The following TTC5 variants were observed in gnomAD, a reference collection of about 807,000 sequenced individuals.
TTC5 encodes tetratricopeptide repeat protein 5.
A neutral mutation model predicts 57.4 loss-of-function variants in TTC5; 46 were observed. The observed-to-expected ratio is 0.80, with a 90% CI of 0.63 to 1.03. The LOEUF is 1.03. TTC5 is among the 50% of genes least tolerant of loss of function. The pLI is 0.00. For synonymous variants in TTC5, 190 were observed against 203.5 expected, an observed-to-expected ratio of 0.93 and a Z score of 0.57; for missense variants, 504 against 528.1, an observed-to-expected ratio of 0.95 and a Z score of 0.45.
chr14:20,302,748 C>T (rs765193036), intron 1 of TTC5, among the ~76,000 whole-genome samples: 6 of 152,140 alleles, frequency 3.9e-5, no homozygotes, highest in Non-Finnish European at 7.3e-5. Flanking sequence ...ACTTTTGAAA[C>T]GCTGACACCA....
At chr14:20,303,019 CG>C (rs1882223158) in intron 1 of TTC5, among the ~76,000 whole-genome samples, 1 of 151,856 alleles carries the variant, frequency 6.6e-6, no homozygotes, top group African/African-American at 2.4e-5. Context: ...TGGTGAAACC[CG>C]GTCTCTACTA....
chr14:20,288,967 C>T lies in TTC5; in HGVS notation c.*660G>A, dbSNP rs1372969522. 6.6e-6 allele frequency: 1 copy of T among 152,066 alleles called. No individual in the cohort carries two copies. The highest frequency in any genetic ancestry group is 6.5e-5 in the Admixed American group (1 of 15,272). 9.4% of individuals were successfully genotyped at this position (152,066 alleles called of 1,614,324 possible). On this transcript the variant is annotated 3_prime_UTR_variant, in exon 10 of 10. Transcript: ENST00000258821. The stretch of plus-strand genomic sequence containing the variant: ...GTCTCTAGCAACTTTGTGGAGTTGC[C>T]ATTCCTGCCTGGGGCTGTCTATTGT...
chr14:20,299,390 T>A lies in TTC5; in HGVS notation c.455A>T (p.Asp152Val). 1 of 1,614,138 alleles carries A rather than the reference T, an allele frequency of 6.2e-7. No homozygotes were observed. The highest frequency in any genetic ancestry group is 8.5e-7 in the Non-Finnish European group (1 of 1,180,026). ...ATGGTGAGAATGTTCATCTTCAGTGTCAGTCCGCAGCTGACGAAGCACCAT... is the reference window on the plus strand; with the variant it reads ...ATGGTGAGAATGTTCATCTTCAGTGACAGTCCGCAGCTGACGAAGCACCAT... ...LSMVLRQLRT[D>V]TEDEHSHHVM... The change falls in exon 4 of 10, where the codon GAC becomes GTC. Residue 152 changes from aspartate (D) to valine (V), a missense_variant. Transcript: ENST00000258821.
chr14:20,304,442 A>T (rs889333428), intron 1 of TTC5, among the ~76,000 whole-genome samples: 1 of 152,234 alleles, frequency 6.6e-6, no homozygotes, highest in Non-Finnish European at 1.5e-5. Context: ...ACTGTCTGTA[A>T]AACACACTTT....
intron 1 of TTC5, 98 bp downstream of exon 1, chr14:20,305,789 G>C: frequency 2.5e-6 from 3 of 1,221,394 alleles, no homozygotes; most frequent in Non-Finnish European, 3.6e-6. Context: ...ACGCAGCTTC[G>C]CGTGTGTGCC....
At chr14:20,300,538 G>C in intron 3 of TTC5, 69 bp downstream of exon 3, 2 of 1,379,860 alleles carry the variant, frequency 1.4e-6, no homozygotes, top group Admixed American at 2.1e-5. Flanking sequence ...ATGTCCTAGG[G>C]AAACTCATAG....
intron 1 of TTC5, 23 bp downstream of exon 1, chr14:20,305,864 C>A (rs754407280): frequency 8.7e-6 from 14 of 1,612,866 alleles, no homozygotes; most frequent in Non-Finnish European, 1.2e-5. Flanking sequence ...AAAACACATA[C>A]AGAATTTAAT....
chr14:20,295,222 T>G lies in TTC5; in HGVS notation c.1058+90A>C, dbSNP rs372531453. ...TCAGAAGTCACAAATCTGTGACCAC[T>G]GACAATCTCCTCAACTGCCAGGGAA... On this transcript the variant is annotated intron_variant, in intron 8 of 9. Coordinates refer to ENST00000258821, the MANE Select transcript of TTC5 (RefSeq NM_138376.3). 2.1e-5 allele frequency: 26 copies of G among 1,221,238 alleles called. No individual in the cohort carries two copies. The East Asian group carries it at 3.4e-4, about 16-fold the overall frequency. The allele number at this position is 1,221,238 out of a possible 1,614,324, so 75.7% of individuals were successfully genotyped here. A position where few individuals can be genotyped will look rare whatever the true frequency, so the allele number is the denominator to read the frequency against.
chr14:20,303,155 GC>G (rs1183216635), intron 1 of TTC5, among the ~76,000 whole-genome samples: 1 of 148,832 alleles, frequency 6.7e-6, no homozygotes, highest in East Asian at 2.0e-4. Flanking sequence ...TCATGCCACT[GC>G]CCTCCAGCCT....
chr14:20,301,425 AGGG>A (rs1882187852), intron 2 of TTC5, among the ~76,000 whole-genome samples: 1 of 152,228 alleles, frequency 6.6e-6, no homozygotes, highest in Admixed American at 6.5e-5. Flanking sequence ...TACCAGGTTA[AGGG>A]GGTTAGACTT....
chr14:20,304,013 C>T (rs1163769447), intron 1 of TTC5, among the ~76,000 whole-genome samples: 2 of 152,210 alleles, frequency 1.3e-5, no homozygotes, highest in Non-Finnish European at 2.9e-5. Flanking sequence ...TCCATTCCTT[C>T]TCTCCTCTAC....
chr14:20,292,071 A>G lies in TTC5; in HGVS notation c.1115T>C (p.Ile372Thr). 2 of 1,600,312 alleles carry G rather than the reference A, an allele frequency of 1.2e-6. No homozygotes were observed. Among genetic ancestry groups the G allele is most frequent in the Non-Finnish European group, 1.7e-6 (2 of 1,173,434 alleles). Residue 372 changes from isoleucine (I) to threonine (T), a missense_variant, in exon 9 of 10, where the codon ATA (isoleucine) becomes ACA (threonine). Transcript: ENST00000258821. ...GPCYAVMVYN[I>T]VQSWGVLIGD... ...AATGAGCACTCCCCAGCTCTGCACT[A>G]TATTGTACACCATCACTGCATAGCA...
chr14:20,299,688 G>A (rs1311684700), intron 3 of TTC5, among the ~76,000 whole-genome samples: 1 of 152,036 alleles, frequency 6.6e-6, no homozygotes, highest in East Asian at 1.9e-4. Context: ...AAGTAGCTGG[G>A]ACTACAGGTA....
At chr14:20,300,517 C>T in intron 3 of TTC5, 90 bp downstream of exon 3, 1 of 1,146,068 alleles carries the variant, frequency 8.7e-7, no homozygotes, top group Admixed American at 2.4e-5. Flanking sequence ...TTCAGTTCTA[C>T]TCTGGTATTC....
chr14:20,292,088 T>C lies in TTC5; in HGVS notation c.1098A>G (p.Ala366=). The change falls in exon 9 of 10, where the codon GCA becomes GCG. Residue 366 remains alanine, a synonymous_variant. Transcript: ENST00000258821. ...TCTGCACTATATTGTACACCATCAC[T>C]GCATAGCAAGGTCCATCTGAATCTA... is the stretch of plus-strand genomic sequence containing the variant. ...GLVDSDGPCY[A]VMVYNIVQSW... is the part of the protein sequence containing the mutation. The C allele has an allele frequency of 3.1e-6, 5 of 1,589,148 alleles. No homozygotes were observed. Among genetic ancestry groups the C allele is most frequent in the South Asian group, 1.1e-5 (1 of 87,138 alleles).
At position 20,296,396 on chromosome 14, in the gene TTC5, C is replaced by T; in HGVS notation, c.690G>A (p.Arg230=). The change falls in exon 6 of 10, where the codon AGG becomes AGA. Residue 230 remains arginine (R), a synonymous_variant. Transcript: ENST00000258821. ...ASSNPDLHLN[R]ATLHKYEESY... ...TACACCCCAAAGGTCTTACCGTCGC[C>T]CTGTTCAGATGAAGGTCAGGATTGC... is the stretch of plus-strand genomic sequence containing the variant. The T allele has an allele frequency of 6.2e-7, 1 of 1,612,680 alleles. No individual in the cohort carries two copies. Among genetic ancestry groups the T allele is most frequent in the Non-Finnish European group, 8.5e-7 (1 of 1,178,702 alleles).
intron 9 of TTC5, among the ~76,000 whole-genome samples, chr14:20,290,926 G>A (rs1168247262): frequency 6.6e-6 from 1 of 152,184 alleles, no homozygotes; most frequent in Non-Finnish European, 1.5e-5. Context: ...GTAAGCAAAT[G>A]AGTGTGGCTG....
At chr14:20,291,539 G>C (rs538370114) in intron 9 of TTC5, among the ~76,000 whole-genome samples, 39 of 152,296 alleles carry the variant, frequency 2.6e-4, no homozygotes, top group Admixed American at 2.2e-3. Flanking sequence ...TCAATTAAGT[G>C]TTAAATAAAT....
At position 20,300,801 on chromosome 14, in the gene TTC5, C is replaced by T. The variant is rs1157354619; in HGVS notation, c.202G>A (p.Ala68Thr). The T allele has an allele frequency of 6.2e-7, 1 of 1,613,720 alleles. No individual in the cohort carries two copies. The highest frequency in any genetic ancestry group is 1.7e-5 in the Admixed American group (1 of 59,938). ...EEVVGSVQGKAQVLMLTGKAL... is the reference protein window; with the variant it reads ...EEVVGSVQGKTQVLMLTGKAL... Reference sequence around the variant, plus strand: ...TTCCCAGTTAGCATTAGAACTTGTGCCTTGCCCTGGACAGAACCTAAGAGG... The same window carrying T: ...TTCCCAGTTAGCATTAGAACTTGTGTCTTGCCCTGGACAGAACCTAAGAGG... Residue 68 changes from alanine to threonine, a missense_variant, in exon 3 of 10, where the codon GCA becomes ACA. By Grantham distance (58) the Ala-to-Thr change is moderately conservative. Transcript: ENST00000258821.
Sources: allele counts gnomAD v4.1 joint callset (sites outside exome capture counted in the v4.1 genomes callset), GRCh38; gene constraint gnomAD v4.1.1; transcripts MANE v1.5; gene names NCBI Gene and HGNC (gene_info 2026-07-23, HGNC 2026-07-21).